TMEM132D: variants seen among roughly 807,000 people sequenced by gnomAD.
TMEM132D encodes transmembrane protein 132D.
In TMEM132D, 21 loss-of-function variants were observed where a neutral mutation model predicts 62.3. The ratio of observed to expected loss-of-function variants is 0.34; its 90% CI spans 0.24 to 0.49. The LOEUF is 0.49. Among genes scored for constraint, TMEM132D ranks in the 20% least tolerant of loss-of-function variants. The probability of loss-of-function intolerance (pLI) is 0.99; values close to 1 mark genes in which losing one functional copy is unlikely to be tolerated. For synonymous variants in TMEM132D, 621 were observed against 575.6 expected, an observed-to-expected ratio of 1.08 and a Z score of -1.13; for missense variants, 1,346 against 1,402.8, an observed-to-expected ratio of 0.96 and a Z score of 0.65.
Position 129,700,388 on chromosome 12 carries a change from T to C in TMEM132D, c.390A>G (p.Lys130=), listed in dbSNP as rs753420447. ...AGACTTTGTCCCGCAGGATGTGGGC[T>C]TTTAGTTTCCAGTTAAGAGAAAATT... ...TNKFSLNWKL[K]AHILRDKVYL... is the part of the protein sequence containing the mutation. The change falls in exon 2 of 9, where the codon AAA becomes AAG. Residue 130 remains lysine, a synonymous_variant. Coordinates refer to ENST00000422113, the MANE Select transcript of TMEM132D (RefSeq NM_133448.3). 2.5e-6 allele frequency: 4 copies of C among 1,614,182 alleles called. No individual in the cohort carries two copies. Among genetic ancestry groups the C allele is most frequent in the Non-Finnish European group, 3.4e-6 (4 of 1,180,032 alleles).
intron 5 of TMEM132D, among the ~76,000 whole-genome samples, chr12:129,091,528 C>T (rs955073291): frequency 6.6e-6 from 1 of 151,146 alleles, no homozygotes; most frequent in Non-Finnish European, 1.5e-5. Flanking sequence ...CTATGCTCAC[C>T]TGGGCTCTGG....
chr12:129,357,627 G>A (rs1870115591), intron 3 of TMEM132D, among the ~76,000 whole-genome samples: 1 of 152,006 alleles, frequency 6.6e-6, no homozygotes, highest in South Asian at 2.1e-4. Context: ...AAGTGAAGTG[G>A]CAAGGAGTTT....
At position 129,301,973 on chromosome 12, in the gene TMEM132D, T is replaced by TA. The variant is rs564199779; in HGVS notation, c.1299+35660dup. Among the ~76,000 whole-genome samples the TA allele has an allele frequency of 4.3e-3, 639 of 147,802 alleles. 2 individuals carry two copies. The highest frequency in any genetic ancestry group is 0.012 in the African/African-American group (484 of 40,544). On this transcript the variant is annotated intron_variant, in intron 4 of 8. Transcript: ENST00000422113. ...TAATAGCACCAATAGATCTTTTCTT[T>TA]AAAAAAAAAAACGTATTGTCTACAG...
intron 3 of TMEM132D, among the ~76,000 whole-genome samples, chr12:129,382,244 C>A (rs77756676): frequency 0.017 from 2,602 of 152,284 alleles, 80 homozygotes; most frequent in African/African-American, 0.059. Flanking sequence ...ACCTTTCAAG[C>A]TGCTCCCATT....
rs76634465 is a variant in TMEM132D, at chr12:129,612,912, G to A, written c.969-81707C>T. ...AAGACCTGGACTTTTGTTGCCCAAA[G>A]GTTTTGTCAATCTAATATTTTAACA... On this transcript the variant is annotated intron_variant, in intron 2 of 8. Coordinates refer to ENST00000422113, the MANE Select transcript of TMEM132D (RefSeq NM_133448.3). Among the ~76,000 whole-genome samples the A allele has an allele frequency of 7.4e-3, 1,125 of 152,240 alleles. 12 individuals carry two copies. Among genetic ancestry groups the A allele is most frequent in the African/African-American group, 0.025 (1,058 of 41,558 alleles).
chr12:129,105,151 C>A, intron 5 of TMEM132D, among the ~76,000 whole-genome samples: 1 of 93,888 alleles, frequency 1.1e-5, no homozygotes, highest in African/African-American at 4.1e-5. Context: ...CCCAAATGTC[C>A]AACAATGATA....
At chr12:129,821,241 G>T (rs755036581) in intron 1 of TMEM132D, among the ~76,000 whole-genome samples, 5 of 152,152 alleles carry the variant, frequency 3.3e-5, no homozygotes, top group Non-Finnish European at 5.9e-5. Context: ...TGTATTGTGT[G>T]TTCGCATTTG....
At chr12:129,774,517 C>T (rs767508914) in intron 1 of TMEM132D, among the ~76,000 whole-genome samples, 2 of 152,114 alleles carry the variant, frequency 1.3e-5, no homozygotes, top group Non-Finnish European at 2.9e-5. Context: ...GCAATCACGT[C>T]GGTTGTGGGA....
intron 3 of TMEM132D, among the ~76,000 whole-genome samples, chr12:129,433,528 A>G (rs951219357): frequency 6.6e-6 from 1 of 152,160 alleles, no homozygotes; most frequent in African/African-American, 2.4e-5. Context: ...ACACATGGGC[A>G]AAAAATAACC....
chr12:129,309,813 G>A lies in TMEM132D; in HGVS notation c.1299+27821C>T, dbSNP rs182549718. 1.3e-4 allele frequency among the ~76,000 whole-genome samples: 19 copies of A among 151,924 alleles called. No homozygotes were observed. The East Asian group carries it at 2.1e-3, about 17-fold the overall frequency. ...GTGTGGGTGGTCAGGCCGGAAAATC[G>A]AGGAATCCTGAGGGAAAAAAGCAAA... On this transcript the variant is annotated intron_variant, in intron 4 of 8. Transcript: ENST00000422113.
intron 4 of TMEM132D, among the ~76,000 whole-genome samples, chr12:129,305,388 G>A (rs1288792129): frequency 6.6e-6 from 1 of 152,142 alleles, no homozygotes; most frequent in African/African-American, 2.4e-5. Flanking sequence ...GAGTCTAAGT[G>A]CCACTGCCTG....
At chr12:129,465,108 G>T (rs1160276165) in intron 3 of TMEM132D, among the ~76,000 whole-genome samples, 1 of 152,102 alleles carries the variant, frequency 6.6e-6, no homozygotes, top group Admixed American at 6.5e-5. Context: ...CATGAGCATG[G>T]AATGTTCTTC....
intron 1 of TMEM132D, among the ~76,000 whole-genome samples, chr12:129,842,195 G>A (rs754889820): frequency 3.5e-4 from 49 of 139,516 alleles, no homozygotes; most frequent in Admixed American, 1.3e-3. Context: ...TGATCCACCC[G>A]CCTCGGCCTC....
At chr12:129,253,455 G>A (rs1370732981) in intron 4 of TMEM132D, among the ~76,000 whole-genome samples, 2 of 152,102 alleles carry the variant, frequency 1.3e-5, no homozygotes, top group Non-Finnish European at 2.9e-5. Context: ...AAGAGACTGA[G>A]GTTAATTTCC....
At chr12:129,447,313 CCTTTCATTCAATTCACTTGCTTT>C in intron 3 of TMEM132D, among the ~76,000 whole-genome samples, 1 of 152,278 alleles carries the variant, frequency 6.6e-6, no homozygotes, top group South Asian at 2.1e-4. Flanking sequence ...CAAACGTAAC[CCTTTCATTCAATTCACTTGCTTT>C]CTTTACTAAT....
At chr12:129,797,983 C>T (rs956900799) in intron 1 of TMEM132D, among the ~76,000 whole-genome samples, 1 of 152,166 alleles carries the variant, frequency 6.6e-6, no homozygotes, top group African/African-American at 2.4e-5. Context: ...ATGGTTAGTA[C>T]CATCCTCTTG....
intron 2 of TMEM132D, among the ~76,000 whole-genome samples, chr12:129,620,672 G>A (rs1413724794): frequency 6.6e-6 from 1 of 152,156 alleles, no homozygotes; most frequent in Non-Finnish European, 1.5e-5. Flanking sequence ...TCCTTTGCAG[G>A]GACATGGATG....
At chr12:129,408,081 G>A (rs992720547) in intron 3 of TMEM132D, among the ~76,000 whole-genome samples, 1 of 151,992 alleles carries the variant, frequency 6.6e-6, no homozygotes, top group Non-Finnish European at 1.5e-5. Context: ...TAGAATCTAA[G>A]TGATCTCCCC....
At chr12:129,089,496 G>A (rs1473910578) in intron 5 of TMEM132D, among the ~76,000 whole-genome samples, 264 of 16,084 alleles carry the variant, frequency 0.016, 77 homozygotes, top group Admixed American at 0.061. Context: ...CTCCATGACC[G>A]GGTGTCCTCT....
Sources: allele counts gnomAD v4.1 joint callset (sites outside exome capture counted in the v4.1 genomes callset), GRCh38; gene constraint gnomAD v4.1.1; transcripts MANE v1.5; gene names NCBI Gene and HGNC (gene_info 2026-07-23, HGNC 2026-07-21).